Variants in IGF2BP3 observed in about 807,000 individuals in gnomAD.
IGF2BP3 encodes the protein insulin-like growth factor 2 mRNA-binding protein 3.
In IGF2BP3, 9 loss-of-function variants were observed where a neutral mutation model predicts 73.8. The observed-to-expected ratio is 0.12, with a 90% CI of 0.07 to 0.21. The LOEUF (loss-of-function observed/expected upper bound fraction) is 0.21. IGF2BP3 is among the 10% of genes least tolerant of loss of function. The pLI, the probability that IGF2BP3 is intolerant of heterozygous loss-of-function variation, is 1.00. For synonymous variants in IGF2BP3, 258 were observed against 256.7 expected, an observed-to-expected ratio of 1.01 and a Z score of -0.05; for missense variants, 542 against 714.0, an observed-to-expected ratio of 0.76 and a Z score of 2.75.
chr7:23,413,837 T>G lies in IGF2BP3; in HGVS notation c.285+4939A>C, dbSNP rs551785656. On this transcript the variant is annotated intron_variant, in intron 3 of 14. Transcript: ENST00000258729. ...TATTTCTTTGCTATATTCCATATAT[T>G]TGGGAGAAAACAAACCTACCTAATT... 3.9e-5 allele frequency: 6 copies of G among 152,294 alleles called. No homozygotes were observed. The East Asian group carries it at 9.6e-4, about 24-fold the overall frequency. The allele number at this position is 152,294 out of a possible 1,614,324, so 9.4% of individuals were successfully genotyped here. A position where few individuals can be genotyped will look rare whatever the true frequency, so the allele number is the denominator to read the frequency against.
intron 7 of IGF2BP3, among the ~76,000 whole-genome samples, chr7:23,347,307 G>A (rs1194622049): frequency 6.6e-6 from 1 of 152,208 alleles, no homozygotes; most frequent in Non-Finnish European, 1.5e-5. Flanking sequence ...TGGGGCTCCT[G>A]TTTTGGGTTA....
chr7:23,368,964 T>G (rs1785468627), intron 3 of IGF2BP3, among the ~76,000 whole-genome samples: 1 of 152,042 alleles, frequency 6.6e-6, no homozygotes, highest in Admixed American at 6.6e-5. Context: ...TTGCATAGTA[T>G]GTGAATTATA....
intron 10 of IGF2BP3, among the ~76,000 whole-genome samples, chr7:23,341,533 T>C (rs1444368693): frequency 5.9e-5 from 9 of 152,054 alleles, no homozygotes; most frequent in Non-Finnish European, 1.2e-4. Flanking sequence ...CCGGGTGTGG[T>C]GTGGCACACA....
chr7:23,322,996 G>T (rs1784200205), intron 10 of IGF2BP3, among the ~76,000 whole-genome samples: 1 of 152,120 alleles, frequency 6.6e-6, no homozygotes, highest in African/African-American at 2.4e-5. Context: ...ATCAAGACTA[G>T]GAAGAAACTG....
chr7:23,341,603 A>G (rs1278832048), intron 10 of IGF2BP3, among the ~76,000 whole-genome samples: 2 of 152,128 alleles, frequency 1.3e-5, no homozygotes, highest in Non-Finnish European at 2.9e-5. Context: ...CCGGGAGGTG[A>G]AGGTTGCAGT....
chr7:23,424,745 CAAAATT>C (rs1462964980), intron 2 of IGF2BP3, among the ~76,000 whole-genome samples: 2 of 152,020 alleles, frequency 1.3e-5, no homozygotes, highest in African/African-American at 4.8e-5. Context: ...ACAAAAAAAT[CAAAATT>C]AAAATTAATT....
chr7:23,359,625 T>C (rs1321792086), intron 5 of IGF2BP3, among the ~76,000 whole-genome samples: 3 of 151,936 alleles, frequency 2.0e-5, no homozygotes, highest in African/African-American at 7.3e-5. Flanking sequence ...GATGGGCAGA[T>C]CGCTTGAGCC....
At chr7:23,371,945 C>A (rs1003851464) in intron 3 of IGF2BP3, among the ~76,000 whole-genome samples, 2 of 152,196 alleles carry the variant, frequency 1.3e-5, no homozygotes, top group African/African-American at 4.8e-5. Flanking sequence ...AAAACCGAAT[C>A]CAGAGCTTAA....
intron 3 of IGF2BP3, among the ~76,000 whole-genome samples, chr7:23,405,363 A>G (rs9942670): frequency 0.32 from 48,885 of 152,122 alleles, 8,024 homozygotes; most frequent in African/African-American, 0.37. Context: ...AGTAAAGATA[A>G]CAGACAGACT....
intron 2 of IGF2BP3, among the ~76,000 whole-genome samples, chr7:23,463,831 A>C (rs1021298142): frequency 6.6e-6 from 1 of 152,244 alleles, no homozygotes; most frequent in Non-Finnish European, 1.5e-5. Flanking sequence ...GTTTTGAGAA[A>C]ATATGAAATT....
intron 2 of IGF2BP3, among the ~76,000 whole-genome samples, chr7:23,456,371 T>C (rs576148094): frequency 1.7e-4 from 26 of 152,330 alleles, no homozygotes; most frequent in African/African-American, 4.6e-4. Context: ...CACCTTCTTT[T>C]GGAAGCTAAT....
At chr7:23,332,879 G>A (rs1784478044) in intron 10 of IGF2BP3, among the ~76,000 whole-genome samples, 1 of 152,038 alleles carries the variant, frequency 6.6e-6, no homozygotes, top group African/African-American at 2.4e-5. Context: ...AAAAATTAAG[G>A]GTGGGATCTA....
chr7:23,319,685 C>T (rs1018010035), intron 10 of IGF2BP3, among the ~76,000 whole-genome samples: 1 of 152,148 alleles, frequency 6.6e-6, no homozygotes, highest in African/African-American at 2.4e-5. Flanking sequence ...AGCTCCACAC[C>T]TTATCTATGT....
Position 23,424,973 on chromosome 7 carries a change from C to T in IGF2BP3, c.237-6149G>A, listed in dbSNP as rs1787466495. On this transcript the variant is annotated intron_variant, in intron 2 of 14. Coordinates refer to ENST00000258729, the MANE Select transcript of IGF2BP3 (RefSeq NM_006547.3). ...CTATACCCACACCTGTACCAAGTCC[C>T]CCTTACGTAGCATGCCATGCTGAAC... Among the ~76,000 whole-genome samples the T allele has an allele frequency of 2.0e-5, 3 of 152,152 alleles. No homozygotes were observed. The South Asian group carries it at 6.2e-4, about 32-fold the overall frequency.
At chr7:23,353,244 T>C (rs1274120657) in intron 5 of IGF2BP3, among the ~76,000 whole-genome samples, 1 of 152,180 alleles carries the variant, frequency 6.6e-6, no homozygotes, top group African/African-American at 2.4e-5. Context: ...TACACTGCTT[T>C]ATTTGCAAAT....
rs147871568 is a variant in IGF2BP3 at position 23,418,744 on chromosome 7, T to A, written c.285+32A>T. 34 of 1,429,176 alleles carry A rather than the reference T, an allele frequency of 2.4e-5. No individual in the cohort carries two copies. The African/African-American group carries it at 4.1e-4, about 17-fold the overall frequency. 88.5% of individuals were successfully genotyped at this position (1,429,176 alleles called of 1,614,324 possible). A position where few individuals can be genotyped will look rare whatever the true frequency, so the allele number is the denominator to read the frequency against. On this transcript the variant is annotated intron_variant, in intron 3 of 14. Transcript: ENST00000258729. Reference sequence around the variant, plus strand: ...ACTAACAGCAATAGGCTTCCATACTTAGATCTTAATTTTAAATACAGAAAT... The same window carrying A: ...ACTAACAGCAATAGGCTTCCATACTAAGATCTTAATTTTAAATACAGAAAT...
chr7:23,380,906 A>C (rs1785889596), intron 3 of IGF2BP3, among the ~76,000 whole-genome samples: 1 of 152,220 alleles, frequency 6.6e-6, no homozygotes, highest in South Asian at 2.1e-4. Context: ...CTAGGTTTTA[A>C]GCTTCCCAGT....
chr7:23,447,107 G>C (rs993788146), intron 2 of IGF2BP3, among the ~76,000 whole-genome samples: 3 of 151,556 alleles, frequency 2.0e-5, no homozygotes, highest in Non-Finnish European at 2.9e-5. Context: ...GGGAGGCTGA[G>C]GGAGAATCAC....
At chr7:23,412,191 C>T (rs1787045850) in intron 3 of IGF2BP3, among the ~76,000 whole-genome samples, 1 of 151,974 alleles carries the variant, frequency 6.6e-6, no homozygotes, top group Admixed American at 6.6e-5. Flanking sequence ...CCATGTTGGC[C>T]AGGCTGGTCT....
Sources: gnomAD v4.1 joint callset for allele counts (sites outside exome capture counted in the v4.1 genomes callset) on GRCh38, gnomAD v4.1.1 for gene constraint, MANE v1.5 for transcripts, NCBI Gene and HGNC (gene_info 2026-07-23, HGNC 2026-07-21) for gene names.